The following MEIOC variants were observed in gnomAD, a reference collection of about 807,000 sequenced individuals.
MEIOC encodes meiosis-specific coiled-coil domain-containing protein MEIOC.
Under a neutral mutation model 85.3 loss-of-function variants are expected in MEIOC, and 9 were observed. That is an observed-to-expected ratio of 0.11 (90% CI 0.06 to 0.18). MEIOC has a LOEUF of 0.18. Among genes scored for constraint, MEIOC ranks in the 10% least tolerant of loss-of-function variants. The pLI, the probability that MEIOC is intolerant of heterozygous loss-of-function variation, is 1.00. For missense variants in MEIOC, 898 were observed against 1,129.4 expected, an observed-to-expected ratio of 0.80 and a Z score of 2.94; for synonymous variants, 365 against 393.7, an observed-to-expected ratio of 0.93 and a Z score of 0.86.
chr17:44,669,546 T>G, intron 6 of MEIOC, 29 bp downstream of exon 6: 1 of 1,550,378 alleles, frequency 6.5e-7, no homozygotes. Flanking sequence ...TAACAGTGGA[T>G]GGATTTTTTG....
chr17:44,673,314 CTTAAG>C lies in MEIOC; in HGVS notation c.2458-47_2458-43del, dbSNP rs533865551. The C allele has an allele frequency of 1.0e-3, 1,401 of 1,355,442 alleles. 5 individuals are homozygous for C. Among genetic ancestry groups the C allele is most frequent in the South Asian group, 1.9e-3 (127 of 66,834 alleles). The allele number at this position is 1,355,442 out of a possible 1,614,324, so 84.0% of individuals were successfully genotyped here. On this transcript the variant is annotated intron_variant, in intron 6 of 7. Coordinates refer to ENST00000409122, the MANE Select transcript of MEIOC (RefSeq NM_001145080.3). Reference sequence around the variant, plus strand: ...CTGCTTCACTGAAGATTTGTTTTTACTTAAGTTAATGGCAGGACATGTCTTATCAA... The same window carrying C: ...CTGCTTCACTGAAGATTTGTTTTTACTTAATGGCAGGACATGTCTTATCAA...
chr17:44,668,858 T>G (rs1971953828), intron 5 of MEIOC, among the ~76,000 whole-genome samples: 2 of 152,242 alleles, frequency 1.3e-5, no homozygotes. Context: ...ACAAGTTTAT[T>G]TCTTTGAATT....
chr17:44,665,027 G>T, intron 3 of MEIOC: 1 of 504,194 alleles, frequency 2.0e-6, no homozygotes. Flanking sequence ...AATAAGACAA[G>T]ACTTGCTTTC....
In MEIOC at chr17:44,667,975, T is replaced by C; in HGVS notation, c.2064T>C (p.Phe688=). Residue 688 remains phenylalanine, a synonymous_variant, in exon 5 of 8, where the codon TTT becomes TTC. Coordinates refer to ENST00000409122, the MANE Select transcript of MEIOC (RefSeq NM_001145080.3). ...QCFQQLGSNG[F]PLRSTHPFGH... ...TTCAACAACTTGGTTCAAATGGGTT[T>C]CCCCTAAGATCCACCCACCCATTTG... The C allele has an allele frequency of 6.2e-7, 1 of 1,613,820 alleles. No individual in the cohort carries two copies. Among genetic ancestry groups the C allele is most frequent in the Non-Finnish European group, 8.5e-7 (1 of 1,179,794 alleles).
intron 2 of MEIOC, among the ~76,000 whole-genome samples, chr17:44,657,882 C>T (rs1241597559): frequency 1.7e-5 from 2 of 120,242 alleles, no homozygotes; most frequent in Admixed American, 1.7e-4. Context: ...GACGGAGTCT[C>T]CTTCTGTTGC....
At position 44,663,986 on chromosome 17, in the gene MEIOC, T is replaced by A. The variant is rs1332469375; in HGVS notation, c.360-1398T>A. ...TATGAAGATCAATTAAATATGAGTGTTATGCAAATATAAGGTATTTTATTT... is the reference window on the plus strand; with the variant it reads ...TATGAAGATCAATTAAATATGAGTGATATGCAAATATAAGGTATTTTATTT... On this transcript the variant is annotated intron_variant, in intron 3 of 7. Transcript: ENST00000409122. Among the ~76,000 whole-genome samples the A allele has an allele frequency of 2.0e-5, 3 of 152,168 alleles. No individual in the cohort carries two copies. The East Asian group carries it at 5.8e-4, about 29-fold the overall frequency.
downstream of MEIOC, among the ~76,000 whole-genome samples, chr17:44,676,476 C>CA (rs1427551736): frequency 6.6e-6 from 1 of 152,032 alleles, no homozygotes; most frequent in African/African-American, 2.4e-5. Context: ...GACTGAAATC[C>CA]AAAATCTGGC....
downstream of MEIOC, chr17:44,675,816 T>C (rs1429308118): frequency 2.3e-6 from 2 of 881,066 alleles, no homozygotes; most frequent in Non-Finnish European, 2.7e-6. Flanking sequence ...GTTTCATTTT[T>C]CTAAATTCAT....
chr17:44,666,877 T>C lies in MEIOC; in HGVS notation c.966T>C (p.Asn322=), dbSNP rs1436471909. 2 of 1,608,676 alleles carry C rather than the reference T, an allele frequency of 1.2e-6. No homozygotes were observed. Among genetic ancestry groups the C allele is most frequent in the Non-Finnish European group, 1.7e-6 (2 of 1,177,036 alleles). The change falls in exon 5 of 8, where the codon AAT becomes AAC. Residue 322 remains asparagine (N), a synonymous_variant. Transcript: ENST00000409122. ...FLSQFNRYNE[N]VDYCRYPEYV... is the part of the protein sequence containing the mutation. ...CTCAATTTAATAGATACAATGAAAA[T>C]GTAGATTATTGTAGATACCCAGAGT...
chr17:44,656,489 C>G lies in MEIOC; in HGVS notation c.-125C>G, dbSNP rs1386202262. On this transcript the variant is annotated 5_prime_UTR_variant, in exon 1 of 8. Transcript: ENST00000409122. ...CCGCACACTGGCTCCAGGCAGCGCC[C>G]GGGCGGCGGAGGCGGCTGCGGAGAC... 4.0e-6 allele frequency: 3 copies of G among 745,942 alleles called. No homozygotes were observed. The highest frequency in any genetic ancestry group is 5.9e-6 in the Non-Finnish European group (3 of 509,186). 46.2% of individuals were successfully genotyped at this position (745,942 alleles called of 1,614,324 possible).
At position 44,668,245 on chromosome 17, in the gene MEIOC, T is replaced by A. The variant is rs1338861024; in HGVS notation, c.2322+12T>A. 1.8e-5 allele frequency: 28 copies of A among 1,580,230 alleles called. No individual in the cohort carries two copies. The highest frequency in any genetic ancestry group is 2.3e-5 in the Non-Finnish European group (27 of 1,165,982). ...AAGAGAGAAAAAAGGTAACACAAAG[T>A]TAACCACTTAGGAATAACAGTATGT... On this transcript the variant is annotated intron_variant, in intron 5 of 7. Coordinates refer to ENST00000409122, the MANE Select transcript of MEIOC (RefSeq NM_001145080.3).
At chr17:44,672,420 G>C (rs1972026610) in intron 6 of MEIOC, among the ~76,000 whole-genome samples, 1 of 152,126 alleles carries the variant, frequency 6.6e-6, no homozygotes, top group African/African-American at 2.4e-5. Flanking sequence ...ACAGTTGAGA[G>C]GAAAATATTT....
At chr17:44,657,363 G>A (rs2144653253) in intron 2 of MEIOC, 102 bp downstream of exon 2, 71 of 613,024 alleles carry the variant, frequency 1.2e-4, no homozygotes, top group South Asian at 2.4e-4. Context: ...TTAAGGAAGA[G>A]AAAACCAGGG....
Position 44,666,417 on chromosome 17 carries a change from C to G in MEIOC, c.506C>G (p.Thr169Arg). ...TTAAAGTCAGTTTGGCCAATGAACA[C>G]AAGCAGATTTGCAGATCACCATGAC... ...SNLKSVWPMN[T>R]SRFADHHDLL... The change falls in exon 5 of 8, where the codon ACA (threonine) becomes AGA (arginine). Residue 169 changes from threonine to arginine, a missense_variant. Physicochemically the swap from Thr to Arg is moderately conservative, Grantham distance 71. Around this residue, in one of 2 missense-constraint regions of MEIOC, gnomAD observed 734 missense variants for 860.1 expected, o/e 0.85. Transcript: ENST00000409122. 2 of 1,552,706 alleles carry G rather than the reference C, an allele frequency of 1.3e-6. No homozygotes were observed. The highest frequency in any genetic ancestry group is 1.7e-6 in the Non-Finnish European group (2 of 1,147,324).
At chr17:44,665,915 A>C (rs1971896938) in intron 4 of MEIOC, among the ~76,000 whole-genome samples, 1 of 152,164 alleles carries the variant, frequency 6.6e-6, no homozygotes, top group East Asian at 1.9e-4. Context: ...ATATTACCCA[A>C]ATATACTATT....
chr17:44,664,222 C>T (rs1452225701), intron 3 of MEIOC, among the ~76,000 whole-genome samples: 4 of 152,052 alleles, frequency 2.6e-5, no homozygotes, highest in South Asian at 2.1e-4. Flanking sequence ...ATTAGCCAGG[C>T]GTGGTGGCAC....
At chr17:44,663,774 G>A (rs1477397626) in intron 3 of MEIOC, among the ~76,000 whole-genome samples, 1 of 151,838 alleles carries the variant, frequency 6.6e-6, no homozygotes, top group African/African-American at 2.4e-5. Flanking sequence ...CTTTTATATT[G>A]AACTTTTATG....
intron 1 of MEIOC, 139 bp downstream of exon 1, chr17:44,656,821 C>CGGGCGGG (rs1185913522): frequency 1.2e-4 from 1 of 8,054 alleles, no homozygotes. Flanking sequence ...ACGGGGCGGG[C>CGGGCGGG]GGGCGGGGGG....
At chr17:44,659,139 G>T (rs1971811715) in intron 2 of MEIOC, among the ~76,000 whole-genome samples, 1 of 151,924 alleles carries the variant, frequency 6.6e-6, no homozygotes, top group Non-Finnish European at 1.5e-5. Flanking sequence ...TATTTAACCA[G>T]GACATCAATG....
Sources: allele counts gnomAD v4.1 joint callset (sites outside exome capture counted in the v4.1 genomes callset), GRCh38; gene constraint gnomAD v4.1.1; regional missense constraint gnomAD v4.1.1; transcripts MANE v1.5; gene names NCBI Gene and HGNC (gene_info 2026-07-23, HGNC 2026-07-21).